PTN: variants seen among roughly 807,000 people sequenced by gnomAD.
PTN encodes the protein pleiotrophin.
PTN carries 18 observed loss-of-function variants against 24.1 expected under a neutral mutation model. The observed-to-expected ratio is 0.75, with a 90% CI of 0.52 to 1.11. The LOEUF is 1.11. PTN is among the 50% of genes least tolerant of loss of function. PTN has a pLI of 0.00. For missense variants in PTN, 163 were observed against 198.8 expected (o/e 0.82, Z 1.08); for synonymous variants, 78 against 68.6 (o/e 1.14, Z -0.67).
chr7:137,273,938 T>C (rs1030325502), intron 1 of PTN, among the ~76,000 whole-genome samples: 3 of 152,186 alleles, frequency 2.0e-5, no homozygotes, highest in African/African-American at 7.2e-5. Flanking sequence ...GTGGGTGTTT[T>C]AGGTACTTCA....
At chr7:137,318,970 G>A (rs1047544910) in intron 1 of PTN, 1 of 152,134 alleles carries the variant, frequency 6.6e-6, no homozygotes, top group Non-Finnish European at 1.5e-5. Flanking sequence ...AGTGACTGCT[G>A]TCGTGTCTCT....
intron 1 of PTN, among the ~76,000 whole-genome samples, chr7:137,285,023 T>C (rs934999464): frequency 2.0e-4 from 30 of 152,316 alleles, no homozygotes; most frequent in African/African-American, 6.7e-4. Flanking sequence ...GTTCATAGGA[T>C]ACACTGAAGG....
intron 1 of PTN, among the ~76,000 whole-genome samples, chr7:137,342,712 T>C (rs1488480930): frequency 6.6e-6 from 1 of 152,164 alleles, no homozygotes; most frequent in Non-Finnish European, 1.5e-5. Context: ...TCTAGTAAAT[T>C]AGTAACAAAT....
At chr7:137,229,597 C>T (rs1335742089) in intron 4 of PTN, among the ~76,000 whole-genome samples, 1 of 151,746 alleles carries the variant, frequency 6.6e-6, no homozygotes, top group African/African-American at 2.4e-5. Context: ...ACTCAAACTT[C>T]AAGGGTACAC....
chr7:137,228,276 T>C (rs1310311655), intron 4 of PTN, among the ~76,000 whole-genome samples: 1 of 151,790 alleles, frequency 6.6e-6, no homozygotes, highest in Non-Finnish European at 1.5e-5. Context: ...TCTGTCTGTC[T>C]GCTTTTGACA....
Position 137,260,951 on chromosome 7 carries a change from A to G in PTN, c.-1-5977T>C, listed in dbSNP as rs186202660. On this transcript the variant is annotated intron_variant, in intron 1 of 4. Coordinates refer to ENST00000348225, the MANE Select transcript of PTN (RefSeq NM_002825.7). The stretch of plus-strand genomic sequence containing the variant: ...ATAAAGAAATGTTTTCCTTCATCTA[A>G]TATTTTGTTCAGCTGTTTAAAGTTC... Among the ~76,000 whole-genome samples, 320 of 152,218 alleles carry G rather than the reference A, an allele frequency of 2.1e-3. 1 individual carries two copies. Among genetic ancestry groups the G allele is most frequent in the Non-Finnish European group, 3.9e-3 (264 of 67,982 alleles).
intron 1 of PTN, among the ~76,000 whole-genome samples, chr7:137,282,900 C>CA (rs1343013909): frequency 1.3e-5 from 2 of 152,132 alleles, no homozygotes; most frequent in Non-Finnish European, 2.9e-5. Context: ...GTATCTCCCA[C>CA]AAAAAATATT....
intron 1 of PTN, among the ~76,000 whole-genome samples, chr7:137,273,499 G>A (rs1809310268): frequency 6.6e-6 from 1 of 152,216 alleles, no homozygotes; most frequent in Non-Finnish European, 1.5e-5. Context: ...AAGGCAGCAG[G>A]AAGGAGAATG....
intron 1 of PTN, among the ~76,000 whole-genome samples, chr7:137,284,323 G>A (rs746002393): frequency 2.6e-5 from 4 of 151,712 alleles, no homozygotes; most frequent in Non-Finnish European, 4.4e-5. Context: ...GACCCTTCCC[G>A]GTCTTCTGAA....
intron 1 of PTN, among the ~76,000 whole-genome samples, chr7:137,273,299 C>A (rs1333042756): frequency 5.9e-5 from 9 of 152,278 alleles, no homozygotes; most frequent in African/African-American, 2.2e-4. Flanking sequence ...CATCTCTGTT[C>A]CCTTACTGGG....
chr7:137,337,263 G>A (rs1015543207), intron 1 of PTN, among the ~76,000 whole-genome samples: 2 of 152,174 alleles, frequency 1.3e-5, no homozygotes, highest in African/African-American at 4.8e-5. Flanking sequence ...AGACAAATGG[G>A]AGATAAAATC....
intron 1 of PTN, among the ~76,000 whole-genome samples, chr7:137,320,477 G>A (rs1810145636): frequency 6.6e-6 from 1 of 152,018 alleles, no homozygotes. Flanking sequence ...ACTCTTCCTT[G>A]CACAATCAAG....
At chr7:137,257,902 C>T (rs1018320424) in intron 1 of PTN, among the ~76,000 whole-genome samples, 1 of 152,116 alleles carries the variant, frequency 6.6e-6, no homozygotes, top group Non-Finnish European at 1.5e-5. Flanking sequence ...CCAGAAGCAC[C>T]TCAGAGCCCA....
intron 1 of PTN, among the ~76,000 whole-genome samples, chr7:137,274,790 C>G (rs1463469383): frequency 2.0e-5 from 3 of 152,102 alleles, no homozygotes; most frequent in Non-Finnish European, 4.4e-5. Flanking sequence ...AAAGATCAAA[C>G]ACATAGCCTA....
chr7:137,343,727 G>A lies in PTN; in HGVS notation c.-290C>T, dbSNP rs1268572323. The A allele has an allele frequency of 6.6e-6, 3 of 453,272 alleles. No individual in the cohort carries two copies. Among genetic ancestry groups the A allele is most frequent in the South Asian group, 3.1e-5 (2 of 63,594 alleles). 28.1% of individuals were successfully genotyped at this position (453,272 alleles called of 1,614,324 possible). ...GACAGGGAGGGAACGGAAGGGAAAT[G>A]GAGAATGGGAGGGATGAGAGGAGCG... On this transcript the variant is annotated 5_prime_UTR_variant, in exon 1 of 5. Coordinates refer to ENST00000348225, the MANE Select transcript of PTN (RefSeq NM_002825.7).
At chr7:137,259,811 C>T (rs937694700) in intron 1 of PTN, among the ~76,000 whole-genome samples, 4 of 151,762 alleles carry the variant, frequency 2.6e-5, no homozygotes, top group African/African-American at 9.7e-5. Flanking sequence ...GACCTTCATC[C>T]CCAGTATTTC....
intron 4 of PTN, among the ~76,000 whole-genome samples, chr7:137,244,453 C>T (rs753275786): frequency 2.7e-4 from 39 of 143,914 alleles, no homozygotes; most frequent in Non-Finnish European, 4.3e-4. Flanking sequence ...CGTATGTATA[C>T]GTGTGCCATG....
intron 1 of PTN, among the ~76,000 whole-genome samples, chr7:137,278,033 C>A (rs917420485): frequency 6.6e-6 from 1 of 152,038 alleles, no homozygotes; most frequent in Non-Finnish European, 1.5e-5. Flanking sequence ...CTGGGCCGGG[C>A]GCGGTGGCTC....
At chr7:137,339,707 G>A (rs1246897496) in intron 1 of PTN, among the ~76,000 whole-genome samples, 1 of 152,068 alleles carries the variant, frequency 6.6e-6, no homozygotes, top group Non-Finnish European at 1.5e-5. Flanking sequence ...TCCGTACATA[G>A]AGAAATGTAT....
Sources: gnomAD v4.1 joint callset for allele counts (sites outside exome capture counted in the v4.1 genomes callset) on GRCh38, gnomAD v4.1.1 for gene constraint, MANE v1.5 for transcripts, NCBI Gene and HGNC (gene_info 2026-07-23, HGNC 2026-07-21) for gene names.